Variants in CCDC171 observed in about 807,000 individuals in gnomAD.
CCDC171 encodes the protein coiled-coil domain-containing protein 171.
A neutral mutation model predicts 168.2 loss-of-function variants in CCDC171; 177 were observed. The ratio of observed to expected loss-of-function variants is 1.05; its 90% CI spans 0.93 to 1.19. The LOEUF is 1.19. Ranked by LOEUF, CCDC171 falls within the 50% of genes most tolerant of loss-of-function variation. The pLI, the probability that CCDC171 is intolerant of heterozygous loss-of-function variation, is 0.00. For missense variants in CCDC171, 1,991 were observed against 1,539.0 expected (o/e 1.29, Z -4.91); for synonymous variants, 687 against 540.8 (o/e 1.27, Z -3.75).
At chr9:15,731,890 G>A (rs2054173878) in intron 16 of CCDC171, among the ~76,000 whole-genome samples, 1 of 151,990 alleles carries the variant, frequency 6.6e-6, no homozygotes, top group African/African-American at 2.4e-5. Flanking sequence ...AGTCATTATA[G>A]TGGTTTTAAA....
chr9:15,645,067 C>G (rs764262364), intron 7 of CCDC171, among the ~76,000 whole-genome samples: 1 of 152,354 alleles, frequency 6.6e-6, no homozygotes, highest in East Asian at 1.9e-4. Context: ...GATCAGGCAG[C>G]AACATTGGCT....
chr9:15,989,222 A>G (rs1832101758), intron 3 of CCDC171, among the ~76,000 whole-genome samples: 1 of 152,144 alleles, frequency 6.6e-6, no homozygotes, highest in African/African-American at 2.4e-5. Context: ...TACTGCTCTG[A>G]GACGAAGCTT....
chr9:15,866,871 C>G (rs968767303), intron 23 of CCDC171, among the ~76,000 whole-genome samples: 5 of 151,984 alleles, frequency 3.3e-5, no homozygotes, highest in African/African-American at 1.2e-4. Context: ...GTGCCTGGTA[C>G]CCAGTAGGCA....
chr9:16,060,869 T>C (rs1185111034), exon 2 of CCDC171: 1 of 152,256 alleles, frequency 6.6e-6, no homozygotes, highest in Non-Finnish European at 1.5e-5. Context: ...GGATGTGTTT[T>C]TTGCAAAAGC....
At chr9:15,568,455 A>G (rs995991540) in intron 2 of CCDC171, among the ~76,000 whole-genome samples, 1 of 152,050 alleles carries the variant, frequency 6.6e-6, no homozygotes, top group African/African-American at 2.4e-5. Flanking sequence ...TATTTTTAGT[A>G]GAGATGGGGT....
intron 7 of CCDC171, among the ~76,000 whole-genome samples, chr9:15,647,979 A>G (rs2047186281): frequency 6.6e-6 from 1 of 152,256 alleles, no homozygotes; most frequent in South Asian, 2.1e-4. Flanking sequence ...CCTGATGAAC[A>G]TTGATGCAAA....
intron 21 of CCDC171, among the ~76,000 whole-genome samples, chr9:15,796,222 C>T (rs1203363504): frequency 6.6e-6 from 1 of 151,754 alleles, no homozygotes; most frequent in Non-Finnish European, 1.5e-5. Context: ...ACTCAGTGAA[C>T]ATTGGGTAGA....
Position 15,873,649 on chromosome 9 carries a change from A to G in CCDC171, c.3469-883A>G, listed in dbSNP as rs562518174. Among the ~76,000 whole-genome samples, 8 of 152,244 alleles carry G rather than the reference A, an allele frequency of 5.3e-5. No homozygotes were observed. In the East Asian group the frequency reaches 1.5e-3, roughly 29 times the overall value. On this transcript the variant is annotated intron_variant, in intron 23 of 25. Coordinates refer to ENST00000380701, the MANE Select transcript of CCDC171 (RefSeq NM_173550.4). ...GAGAGCTTTTTGTTCTTAAATGCAA[A>G]CGAAACTATGGAATTCTTAAGGCTT...
intron 8 of CCDC171, among the ~76,000 whole-genome samples, chr9:15,665,924 A>G (rs1156437301): frequency 6.6e-6 from 1 of 152,244 alleles, no homozygotes; most frequent in Non-Finnish European, 1.5e-5. Context: ...GTTATATTGT[A>G]CCAGCCTATC....
intron 24 of CCDC171, among the ~76,000 whole-genome samples, chr9:15,916,056 TCTTC>T (rs1311850765): frequency 6.6e-6 from 1 of 152,092 alleles, no homozygotes; most frequent in Non-Finnish European, 1.5e-5. Flanking sequence ...TGTGAGATCT[TCTTC>T]CTTAGGAATG....
intron 1 of CCDC171, among the ~76,000 whole-genome samples, chr9:16,058,878 G>T (rs972584277): frequency 6.6e-6 from 1 of 152,226 alleles, no homozygotes; most frequent in Non-Finnish European, 1.5e-5. Flanking sequence ...GTAAGCTCAA[G>T]TGTTTGAATT....
chr9:16,042,712 T>G (rs898644340), upstream of CCDC171: 7 of 152,156 alleles, frequency 4.6e-5, no homozygotes, highest in South Asian at 2.1e-4. Flanking sequence ...AGGGTGGTGA[T>G]GGAGTTTATG....
At chr9:15,649,284 C>T (rs1272719090) in intron 7 of CCDC171, among the ~76,000 whole-genome samples, 2 of 152,148 alleles carry the variant, frequency 1.3e-5, no homozygotes, top group African/African-American at 4.8e-5. Context: ...AAACCTAAAA[C>T]CATAAAAACC....
chr9:15,640,783 A>C (rs887446513), intron 7 of CCDC171, among the ~76,000 whole-genome samples: 1 of 152,128 alleles, frequency 6.6e-6, no homozygotes, highest in African/African-American at 2.4e-5. Flanking sequence ...TAAGTGATTT[A>C]ATACTGTGAT....
intron 7 of CCDC171, among the ~76,000 whole-genome samples, chr9:15,625,260 A>G (rs1209354406): frequency 5.9e-5 from 9 of 152,224 alleles, no homozygotes; most frequent in African/African-American, 1.2e-4. Flanking sequence ...CTCCCATTCT[A>G]TAGATTGCGT....
At chr9:15,629,245 G>C (rs2045460354) in intron 7 of CCDC171, among the ~76,000 whole-genome samples, 1 of 152,074 alleles carries the variant, frequency 6.6e-6, no homozygotes, top group Non-Finnish European at 1.5e-5. Flanking sequence ...GCTACAAGAG[G>C]AAATTCAAAC....
chr9:15,866,825 G>A (rs1216180147), intron 23 of CCDC171, among the ~76,000 whole-genome samples: 1 of 152,010 alleles, frequency 6.6e-6, no homozygotes, highest in Non-Finnish European at 1.5e-5. Flanking sequence ...ATGGAATTCT[G>A]TCTCCTTAAT....
intron 7 of CCDC171, among the ~76,000 whole-genome samples, chr9:15,627,789 A>G (rs1363552380): frequency 1.3e-5 from 2 of 152,184 alleles, no homozygotes; most frequent in African/African-American, 2.4e-5. Flanking sequence ...AAGAATGTAT[A>G]TTCTGTTGAT....
At chr9:16,022,542 C>T (rs1159703772) in exon 5 of CCDC171, 10 of 152,376 alleles carry the variant, frequency 6.6e-5, no homozygotes, top group African/African-American at 2.4e-4. Context: ...CAGAGAGGGA[C>T]TGCTGCCTGC....
Sources: allele counts gnomAD v4.1 joint callset (sites outside exome capture counted in the v4.1 genomes callset), GRCh38; gene constraint gnomAD v4.1.1; transcripts MANE v1.5; gene names NCBI Gene and HGNC (gene_info 2026-07-23, HGNC 2026-07-21).